CACNA1E: variants seen among roughly 807,000 people sequenced by gnomAD.
The protein encoded by CACNA1E is voltage-dependent R-type calcium channel subunit alpha-1E.
CACNA1E carries 40 observed loss-of-function variants against 259.2 expected under a neutral mutation model. The observed-to-expected ratio is 0.15, with a 90% confidence interval of 0.12 to 0.20. The LOEUF (loss-of-function observed/expected upper bound fraction) is 0.20, where lower values mean the gene tolerates loss of function less well. Among genes scored for constraint, CACNA1E ranks in the 10% least tolerant of loss-of-function variants. CACNA1E has a pLI of 1.00. For missense variants in CACNA1E, 1,874 were observed against 3,040.1 expected (o/e 0.62, Z 9.02); for synonymous variants, 1,104 against 1,138.5 (o/e 0.97, Z 0.61).
intron 1 of CACNA1E, among the ~76,000 whole-genome samples, chr1:181,363,688 G>T (rs982675123): frequency 6.6e-6 from 1 of 152,174 alleles, no homozygotes; most frequent in Non-Finnish European, 1.5e-5. Flanking sequence ...TGGCTATATA[G>T]GTTGCTGCAG....
intron 34 of CACNA1E, among the ~76,000 whole-genome samples, chr1:181,766,233 G>T (rs1274113386): frequency 6.6e-6 from 1 of 152,182 alleles, no homozygotes; most frequent in Non-Finnish European, 1.5e-5. Context: ...CATGGCAAGT[G>T]GGATGAACCC....
At chr1:181,730,167 A>G (rs894170006) in intron 18 of CACNA1E, among the ~76,000 whole-genome samples, 2 of 152,224 alleles carry the variant, frequency 1.3e-5, no homozygotes, top group African/African-American at 4.8e-5. Context: ...GACATGTGAA[A>G]GATGGCAGTT....
chr1:181,346,748 G>A (rs1429811402), intron 1 of CACNA1E, among the ~76,000 whole-genome samples: 5 of 152,100 alleles, frequency 3.3e-5, no homozygotes, highest in Admixed American at 6.5e-5. Context: ...CTTTAATGAC[G>A]GGAATTGGAG....
chr1:181,355,442 G>A (rs1258330382), intron 1 of CACNA1E, among the ~76,000 whole-genome samples: 2 of 152,118 alleles, frequency 1.3e-5, no homozygotes, highest in African/African-American at 4.8e-5. Context: ...ACAAAAAATA[G>A]CAGTGCATGA....
At chr1:181,458,840 TCCA>T in intron 2 of CACNA1E, among the ~76,000 whole-genome samples, 1 of 148,466 alleles carries the variant, frequency 6.7e-6, no homozygotes, top group Non-Finnish European at 1.5e-5. Context: ...CATCCATCCA[TCCA>T]TCCATCCATC....
At chr1:181,432,637 A>G (rs1659798678) in intron 2 of CACNA1E, among the ~76,000 whole-genome samples, 1 of 152,134 alleles carries the variant, frequency 6.6e-6, no homozygotes, top group African/African-American at 2.4e-5. Flanking sequence ...TTTGATGTGT[A>G]TGTTGGGTGA....
chr1:181,485,762 C>T lies in CACNA1E; in HGVS notation c.266+1752C>T, dbSNP rs1200967153. Among the ~76,000 whole-genome samples, 3 of 152,358 alleles carry T rather than the reference C, an allele frequency of 2.0e-5. No homozygotes were observed. The highest frequency in any genetic ancestry group is 2.1e-4 in the South Asian group (1 of 4,830). On this transcript the variant is annotated intron_variant, in intron 1 of 47. Transcript: ENST00000367573. This position sits in a 1 kb window ranked among gnomAD's most constrained non-coding sequence, Gnocchi z 4.2. ...GCCCTCCTTTCTCACTCGGCTTCTA[C>T]GGTTCTCTAAATCTTCCCATCCACC...
chr1:181,417,332 C>T (rs1002638498), intron 2 of CACNA1E, among the ~76,000 whole-genome samples: 2 of 152,152 alleles, frequency 1.3e-5, no homozygotes, highest in African/African-American at 4.8e-5. Flanking sequence ...TTTCTTCTAC[C>T]AACTTCTAAG....
At chr1:181,553,243 A>T (rs1648369839) in intron 3 of CACNA1E, among the ~76,000 whole-genome samples, 1 of 152,006 alleles carries the variant, frequency 6.6e-6, no homozygotes, top group Non-Finnish European at 1.5e-5. Flanking sequence ...ATTCCTAGGT[A>T]TCTTATTCTT....
intron 7 of CACNA1E, among the ~76,000 whole-genome samples, chr1:181,653,099 C>T (rs528398983): frequency 4.6e-5 from 7 of 152,198 alleles, no homozygotes; most frequent in Admixed American, 6.5e-5. Flanking sequence ...GTATTAATTA[C>T]CTATGGCTGC....
intron 7 of CACNA1E, among the ~76,000 whole-genome samples, chr1:181,702,268 G>A (rs542824568): frequency 1.1e-4 from 17 of 151,764 alleles, no homozygotes; most frequent in Non-Finnish European, 2.1e-4. Context: ...TACACTCCTC[G>A]TCCACCAGCC....
chr1:181,405,137 T>C (rs1410097474), intron 1 of CACNA1E, among the ~76,000 whole-genome samples: 1 of 152,246 alleles, frequency 6.6e-6, no homozygotes, highest in Non-Finnish European at 1.5e-5. Context: ...ATAACTTTAC[T>C]GCAGTACCAA....
chr1:181,640,860 A>C (rs957649299), intron 6 of CACNA1E, among the ~76,000 whole-genome samples: 13 of 152,230 alleles, frequency 8.5e-5, no homozygotes, highest in Admixed American at 1.3e-4. Context: ...TTTGTGGAGT[A>C]ATATTCTAGG....
chr1:181,644,677 C>T (rs953515139), intron 6 of CACNA1E, among the ~76,000 whole-genome samples: 3 of 152,096 alleles, frequency 2.0e-5, no homozygotes, highest in Non-Finnish European at 4.4e-5. Context: ...CTTCTTGTGG[C>T]AGTGTTTTAA....
intron 2 of CACNA1E, among the ~76,000 whole-genome samples, chr1:181,460,727 C>T (rs1196380427): frequency 6.6e-6 from 1 of 152,156 alleles, no homozygotes; most frequent in Non-Finnish European, 1.5e-5. Context: ...ATTTCTTTTG[C>T]AGAAAGGGAT....
intron 7 of CACNA1E, among the ~76,000 whole-genome samples, chr1:181,662,112 G>T (rs12139532): frequency 0.061 from 9,360 of 152,220 alleles, 331 homozygotes; most frequent in African/African-American, 0.093. Context: ...CTTTTCCTGG[G>T]TGAGTTGTGT....
intron 2 of CACNA1E, among the ~76,000 whole-genome samples, chr1:181,438,502 T>C (rs2102282624): frequency 6.6e-6 from 1 of 152,348 alleles, no homozygotes; most frequent in African/African-American, 2.4e-5. Context: ...AAAAATACCA[T>C]TTGCTTTTGC....
intron 2 of CACNA1E, among the ~76,000 whole-genome samples, chr1:181,448,648 A>G (rs567550384): frequency 2.0e-5 from 3 of 152,368 alleles, no homozygotes; most frequent in Admixed American, 6.5e-5. Context: ...GACCAATTGT[A>G]TATTACCACA....
rs1052445458 is a variant in CACNA1E, at chr1:181,367,572, T to A, written c.-14-45561T>A. Among the ~76,000 whole-genome samples, 337 of 144,638 alleles carry A rather than the reference T, an allele frequency of 2.3e-3. 3 individuals carry two copies. Among genetic ancestry groups the A allele is most frequent in the Non-Finnish European group, 2.0e-3 (134 of 66,098 alleles). 94.9% of individuals were successfully genotyped at this position (144,638 alleles called of 152,430 possible). A position where few individuals can be genotyped will look rare whatever the true frequency, so the allele number is the denominator to read the frequency against. ...TTATATTTATATAACTATAATATTA[T>A]AATACTATAATATATAATATATAAC... On this transcript the variant is annotated intron_variant, in intron 1 of 11. Transcript: ENST00000524607.
Sources: allele counts gnomAD v4.1 joint callset (sites outside exome capture counted in the v4.1 genomes callset), GRCh38; gene constraint gnomAD v4.1.1; non-coding constraint Gnocchi (gnomAD v3.1); transcripts MANE v1.5; gene names NCBI Gene and HGNC (gene_info 2026-07-23, HGNC 2026-07-21).